The following SYT2 variants were observed in gnomAD, a reference collection of about 807,000 sequenced individuals.
SYT2 encodes the protein synaptotagmin-2.
Under a neutral mutation model 39.9 loss-of-function variants are expected in SYT2, and 15 were observed. The observed-to-expected ratio is 0.38, with a 90% CI of 0.25 to 0.58. The LOEUF (loss-of-function observed/expected upper bound fraction) is 0.58. SYT2 is among the 20% of genes least tolerant of loss of function. The pLI, the probability that SYT2 is intolerant of heterozygous loss-of-function variation, is 0.70. For synonymous variants in SYT2, 181 were observed against 204.5 expected (o/e 0.89, Z 0.98); for missense variants, 389 against 530.3 (o/e 0.73, Z 2.62).
chr1:202,640,116 G>A (rs557779221), intron 1 of SYT2, among the ~76,000 whole-genome samples: 1 of 152,274 alleles, frequency 6.6e-6, no homozygotes, highest in East Asian at 1.9e-4. Context: ...CAAAGCCTTT[G>A]CTCTTAACCA....
chr1:202,643,555 G>GCCCCTC (rs1691995893), intron 1 of SYT2: 1 of 152,124 alleles, frequency 6.6e-6, no homozygotes, highest in Non-Finnish European at 1.5e-5. Flanking sequence ...AGCGCGTGCG[G>GCCCCTC]CCCCTCCGAG....
intron 1 of SYT2, among the ~76,000 whole-genome samples, chr1:202,626,398 CTTTT>C (rs58802666): frequency 2.8e-5 from 2 of 72,432 alleles, no homozygotes; most frequent in East Asian, 4.5e-4. Context: ...AGCCTCTCAG[CTTTT>C]TTTTTTTTTT....
At chr1:202,702,574 G>A in intron 1 of SYT2, among the ~76,000 whole-genome samples, 1 of 152,118 alleles carries the variant, frequency 6.6e-6, no homozygotes, top group Non-Finnish European at 1.5e-5. Context: ...TCAGTCCTAG[G>A]TCTGCTTCCC....
chr1:202,698,068 C>T (rs1008436114), intron 1 of SYT2, among the ~76,000 whole-genome samples: 1 of 151,846 alleles, frequency 6.6e-6, no homozygotes, highest in South Asian at 2.1e-4. Flanking sequence ...CCGGTTCCTG[C>T]GTTAGCTGGA....
intron 8 of SYT2, among the ~76,000 whole-genome samples, chr1:202,598,390 C>T (rs1690374942): frequency 6.6e-6 from 1 of 152,208 alleles, no homozygotes; most frequent in South Asian, 2.1e-4. Context: ...ATGAGGACTT[C>T]TCTTGGATTA....
At chr1:202,674,657 C>CAGCTTA (rs1653299888) in intron 1 of SYT2, among the ~76,000 whole-genome samples, 2 of 151,856 alleles carry the variant, frequency 1.3e-5, no homozygotes, top group African/African-American at 2.4e-5. Flanking sequence ...AATGGTAAAC[C>CAGCTTA]AAATCATCTC....
At chr1:202,664,117 C>T (rs1692439838) in intron 1 of SYT2, among the ~76,000 whole-genome samples, 1 of 152,110 alleles carries the variant, frequency 6.6e-6, no homozygotes, top group Non-Finnish European at 1.5e-5. Context: ...TGAACCCCGG[C>T]TTCCCCAAAC....
intron 1 of SYT2, among the ~76,000 whole-genome samples, chr1:202,700,814 G>A (rs1654103699): frequency 6.6e-6 from 1 of 152,122 alleles, no homozygotes; most frequent in Non-Finnish European, 1.5e-5. Context: ...ATATGTAACT[G>A]GAAAGGGGAG....
At chr1:202,699,263 C>G (rs1654053166) in intron 1 of SYT2, among the ~76,000 whole-genome samples, 1 of 152,092 alleles carries the variant, frequency 6.6e-6, no homozygotes, top group Non-Finnish European at 1.5e-5. Context: ...CTCAAGTGAT[C>G]CTCCTGCATT....
intron 1 of SYT2, among the ~76,000 whole-genome samples, chr1:202,695,925 C>T (rs752053242): frequency 6.6e-5 from 10 of 152,250 alleles, no homozygotes; most frequent in Non-Finnish European, 1.3e-4. Context: ...TGTGATACCA[C>T]GGTCCCGACT....
chr1:202,692,445 G>A (rs1653860591), intron 1 of SYT2, among the ~76,000 whole-genome samples: 1 of 152,342 alleles, frequency 6.6e-6, no homozygotes, highest in South Asian at 2.1e-4. Flanking sequence ...GGAGAAAGAT[G>A]CAAGGCGCTG....
At position 202,616,116 on chromosome 1, in the gene SYT2, G is replaced by A. The variant is rs149257580; in HGVS notation, c.-17-10327C>T. Reference sequence around the variant, plus strand: ...CAGGAAACGCCTCCCCACCAGCTTCGCCTCCTCCTCCAGTTTCCGCAGGCC... The same window carrying A: ...CAGGAAACGCCTCCCCACCAGCTTCACCTCCTCCTCCAGTTTCCGCAGGCC... On this transcript the variant is annotated intron_variant, in intron 1 of 8. Transcript: ENST00000367268. Among the ~76,000 whole-genome samples the A allele has an allele frequency of 2.6e-5, 4 of 152,154 alleles. No homozygotes were observed. In the East Asian group the frequency reaches 5.8e-4, roughly 22 times the overall value.
intron 1 of SYT2, among the ~76,000 whole-genome samples, chr1:202,611,815 G>C (rs1690890276): frequency 6.6e-6 from 1 of 152,072 alleles, no homozygotes; most frequent in South Asian, 2.1e-4. Flanking sequence ...GTTTTCTTAT[G>C]GGAGTTGCAT....
rs570487347 is a variant in SYT2 at position 202,663,244 on chromosome 1, G to A, written c.-18+47014C>T. Among the ~76,000 whole-genome samples, 31 of 152,298 alleles carry A rather than the reference G, an allele frequency of 2.0e-4. 1 individual carries two copies. The South Asian group carries it at 4.1e-3, about 20-fold the overall frequency. ...TCTCAGAGGGAGAACCAAGGGATGC[G>A]GAGGTCATTACCCTCAGCAATAAGA... On this transcript the variant is annotated intron_variant, in intron 1 of 8. Transcript: ENST00000367268.
Position 202,691,708 on chromosome 1 carries a change from A to AGG in SYT2, c.-18+18548_-18+18549dup, listed in dbSNP as rs1558463252. On this transcript the variant is annotated intron_variant, in intron 1 of 8. Coordinates refer to ENST00000367268, the MANE Select transcript of SYT2 (RefSeq NM_177402.5). ...GGGGGAGAGGGAGAGGGAGAGGGAGAGGGAGAGGGAGAGGGAGAGGGGGGG... is the reference window on the plus strand; with the variant it reads ...GGGGGAGAGGGAGAGGGAGAGGGAGAGGGGGAGAGGGAGAGGGAGAGGGGGGG... Among the ~76,000 whole-genome samples, 7 of 40,744 alleles carry AGG rather than the reference A, an allele frequency of 1.7e-4. 1 individual carries two copies. The highest frequency in any genetic ancestry group is 2.8e-4 in the Non-Finnish European group (5 of 18,014). 26.7% of individuals were successfully genotyped at this position (40,744 alleles called of 152,430 possible).
chr1:202,641,990 TAC>T (rs78928791), intron 1 of SYT2, among the ~76,000 whole-genome samples: 12,378 of 152,120 alleles, frequency 0.081, 790 homozygotes, highest in East Asian at 0.32. Flanking sequence ...GTAGGGGAGC[TAC>T]AGTCTTCCCA....
rs117675332 is a variant in SYT2, at chr1:202,655,919, C to T, written c.-17-50130G>A. Among the ~76,000 whole-genome samples, 102 of 152,242 alleles carry T rather than the reference C, an allele frequency of 6.7e-4. 1 individual carries two copies. The East Asian group carries it at 9.9e-3, about 15-fold the overall frequency. ...GCAAGGTGACCATGGAGCGAGTGGG[C>T]CTGCTTGGGGCAAAAAGTGCTGGGC... On this transcript the variant is annotated intron_variant, in intron 1 of 8. Transcript: ENST00000367268.
chr1:202,636,549 G>A (rs1237126768), intron 1 of SYT2: 4 of 243,870 alleles, frequency 1.6e-5, no homozygotes, highest in Admixed American at 1.3e-4. Flanking sequence ...GGGAAAAACC[G>A]CTTGCCTGGG....
chr1:202,695,325 A>G (rs116565885), intron 1 of SYT2, among the ~76,000 whole-genome samples: 86 of 152,296 alleles, frequency 5.6e-4, no homozygotes, highest in African/African-American at 2.0e-3. Context: ...ATCTAGAGAT[A>G]TAACTGCCTC....
Sources: gnomAD v4.1 joint callset for allele counts (sites outside exome capture counted in the v4.1 genomes callset) on GRCh38, gnomAD v4.1.1 for gene constraint, MANE v1.5 for transcripts, NCBI Gene and HGNC (gene_info 2026-07-23, HGNC 2026-07-21) for gene names.